Variants in ME1 observed in about 807,000 individuals in gnomAD.
ME1 encodes the protein malic enzyme 1.
Under a neutral mutation model 66.4 loss-of-function variants are expected in ME1, and 74 were observed. That is an observed-to-expected ratio of 1.11 (90% CI 0.92 to 1.35). The LOEUF is 1.35. Among genes scored for constraint, ME1 ranks in the 40% most tolerant of loss-of-function variants. The probability of loss-of-function intolerance (pLI) is 0.00; values close to 1 mark genes in which losing one functional copy is unlikely to be tolerated. For missense variants in ME1, 750 were observed against 694.1 expected (o/e 1.08, Z -0.90); for synonymous variants, 251 against 235.6 (o/e 1.07, Z -0.60).
At chr6:83,216,174 T>C (rs953555854) in intron 13 of ME1, among the ~76,000 whole-genome samples, 21 of 152,162 alleles carry the variant, frequency 1.4e-4, no homozygotes, top group Non-Finnish European at 2.5e-4. Flanking sequence ...ATCACTAATG[T>C]GATATAGAAA....
chr6:83,341,721 C>G (rs1768589186), intron 5 of ME1, among the ~76,000 whole-genome samples: 1 of 152,054 alleles, frequency 6.6e-6, no homozygotes, highest in African/African-American at 2.4e-5. Context: ...GAATCTAAGG[C>G]CGTTTTGCAC....
intron 7 of ME1, among the ~76,000 whole-genome samples, chr6:83,240,212 T>C (rs1239186018): frequency 6.6e-6 from 1 of 151,940 alleles, no homozygotes; most frequent in East Asian, 1.9e-4. Context: ...TTTCAGAACC[T>C]GAGATAGGAG....
chr6:83,266,481 G>A (rs1044660179), intron 6 of ME1, among the ~76,000 whole-genome samples: 2 of 149,276 alleles, frequency 1.3e-5, no homozygotes, highest in African/African-American at 4.9e-5. Flanking sequence ...CCTGAGTTAT[G>A]TCTATTTATA....
chr6:83,344,307 C>G (rs1241299117), intron 5 of ME1, among the ~76,000 whole-genome samples: 1 of 144,740 alleles, frequency 6.9e-6, no homozygotes, highest in Admixed American at 7.0e-5. Context: ...AAAAAAAAAG[C>G]CAAATTCTAA....
intron 6 of ME1, among the ~76,000 whole-genome samples, chr6:83,265,137 A>G (rs767424161): frequency 6.6e-6 from 1 of 152,190 alleles, no homozygotes; most frequent in Non-Finnish European, 1.5e-5. Context: ...AAGACCCTCC[A>G]CCAGCAAAAA....
chr6:83,407,094 A>C (rs571278054), intron 2 of ME1, among the ~76,000 whole-genome samples: 5 of 151,952 alleles, frequency 3.3e-5, no homozygotes, highest in African/African-American at 1.2e-4. Context: ...ACCTCTTTTA[A>C]CCCTCACAAC....
intron 6 of ME1, among the ~76,000 whole-genome samples, chr6:83,283,930 G>GA (rs1263203020): frequency 6.6e-6 from 1 of 152,056 alleles, no homozygotes; most frequent in Non-Finnish European, 1.5e-5. Flanking sequence ...TCTGCACAAA[G>GA]AATCAATGAC....
In ME1 at chr6:83,404,809, A is replaced by G. The variant is rs145303688; in HGVS notation, c.212+2959T>C. On this transcript the variant is annotated intron_variant, in intron 2 of 13. Transcript: ENST00000369705. ...TTTTGTCAGGTTTATCAAAGATCAG[A>G]TGGTTGTAGATGTGTGGTGTTATTT... Among the ~76,000 whole-genome samples the G allele has an allele frequency of 7.3e-3, 1,108 of 152,244 alleles. 12 individuals are homozygous for G. Among genetic ancestry groups the G allele is most frequent in the African/African-American group, 0.025 (1,034 of 41,526 alleles).
intron 6 of ME1, among the ~76,000 whole-genome samples, chr6:83,256,905 G>A (rs1026676481): frequency 6.6e-6 from 1 of 152,116 alleles, no homozygotes; most frequent in Admixed American, 6.5e-5. Flanking sequence ...CATGGATGAA[G>A]CTGGAAACCA....
intron 4 of ME1, 54 bp downstream of exon 4, chr6:83,352,010 T>A (rs994678184): frequency 1.8e-6 from 2 of 1,107,364 alleles, no homozygotes; most frequent in East Asian, 4.9e-5. Context: ...TAAACTGTTT[T>A]ATGGGACAGA....
intron 3 of ME1, among the ~76,000 whole-genome samples, chr6:83,368,780 C>G (rs1281921307): frequency 6.6e-6 from 1 of 151,994 alleles, no homozygotes; most frequent in African/African-American, 2.4e-5. Flanking sequence ...ATCCTTAGAA[C>G]AGTCAGTTAT....
In ME1 at chr6:83,253,697, T is replaced by A. The variant is rs201444999; in HGVS notation, c.746A>T (p.Asn249Ile). The A allele has an allele frequency of 6.2e-7, 1 of 1,611,008 alleles. No individual in the cohort carries two copies. Among genetic ancestry groups the A allele is most frequent in the African/African-American group, 1.3e-5 (1 of 74,984 alleles). ...GTTCAGGAGACGAAATGCATTCACA[T>A]TGGCAAAATCTTCAAACTGAATAAG... is the stretch of plus-strand genomic sequence containing the variant. ...NCLIQFEDFA[N>I]VNAFRLLNKY... Residue 249 changes from asparagine to isoleucine, a missense_variant, in exon 7 of 14, where the codon AAT (asparagine) becomes ATT (isoleucine). By Grantham distance (149) the Asn-to-Ile change is moderately radical. Coordinates refer to ENST00000369705, the MANE Select transcript of ME1 (RefSeq NM_002395.6).
chr6:83,381,952 C>T (rs1769408648), intron 3 of ME1, among the ~76,000 whole-genome samples: 1 of 152,090 alleles, frequency 6.6e-6, no homozygotes, highest in African/African-American at 2.4e-5. Context: ...TGCTGTCTAC[C>T]TCAAACTTCA....
intron 6 of ME1, among the ~76,000 whole-genome samples, chr6:83,262,028 AAAG>A (rs1304595452): frequency 6.6e-6 from 1 of 151,820 alleles, no homozygotes; most frequent in Non-Finnish European, 1.5e-5. Context: ...AAAAAAAAAA[AAAG>A]AAAAAAGAAA....
chr6:83,299,099 A>G (rs1207792381), intron 6 of ME1, among the ~76,000 whole-genome samples: 1 of 151,622 alleles, frequency 6.6e-6, no homozygotes, highest in Non-Finnish European at 1.5e-5. Context: ...TTGGTTTCAC[A>G]CGAATTTTAA....
In ME1 at chr6:83,211,944, G is replaced by A; in HGVS notation, c.1699C>T (p.Gln567Ter). 1.2e-6 allele frequency: 2 copies of A among 1,600,480 alleles called. No homozygotes were observed. The highest frequency in any genetic ancestry group is 8.5e-7 in the Non-Finnish European group (1 of 1,172,336). Reference protein sequence around the residue: ...YSWPEEVQKIQTKVDQ With the variant: ...YSWPEEVQKI ...TTATCCTACTGGTCAACTTTGGTCT[G>A]TATTTTCTGCACCTCTTCAGGCCAA... Residue 567 changes from glutamine to a stop codon, truncating the protein, a stop_gained, in exon 14 of 14, where the codon CAG (glutamine) becomes TAG (stop). Coordinates refer to ENST00000369705, the MANE Select transcript of ME1 (RefSeq NM_002395.6). LOFTEE classifies it high-confidence loss of function.
intron 6 of ME1, among the ~76,000 whole-genome samples, chr6:83,293,348 T>G: frequency 6.6e-6 from 1 of 152,134 alleles, no homozygotes; most frequent in East Asian, 1.9e-4. Context: ...CATCGTACAA[T>G]GGATCTCTAG....
At chr6:83,373,729 C>T (rs971552796) in intron 3 of ME1, among the ~76,000 whole-genome samples, 1 of 152,104 alleles carries the variant, frequency 6.6e-6, no homozygotes, top group Admixed American at 6.6e-5. Flanking sequence ...GTATTAAGCC[C>T]TGCATGCACT....
intron 7 of ME1, among the ~76,000 whole-genome samples, chr6:83,252,429 A>T (rs912002836): frequency 1.3e-5 from 2 of 152,056 alleles, no homozygotes; most frequent in Admixed American, 1.3e-4. Context: ...CCTCCCGAGT[A>T]TCTGGGACTA....
Sources: allele counts gnomAD v4.1 joint callset (sites outside exome capture counted in the v4.1 genomes callset), GRCh38; gene constraint gnomAD v4.1.1; transcripts MANE v1.5; gene names NCBI Gene and HGNC (gene_info 2026-07-23, HGNC 2026-07-21).